PTDSS2: variants seen among roughly 807,000 people sequenced by gnomAD.
PTDSS2 encodes phosphatidylserine synthase 2, also known as PSS-2.
PTDSS2 carries 41 observed loss-of-function variants against 64.7 expected under a neutral mutation model. That is an observed-to-expected ratio of 0.63 (90% CI 0.49 to 0.82). The LOEUF (loss-of-function observed/expected upper bound fraction) is 0.82, where lower values mean the gene tolerates loss of function less well. Among genes scored for constraint, PTDSS2 ranks in the 40% least tolerant of loss-of-function variants. PTDSS2 has a pLI of 0.00. For missense variants in PTDSS2, 485 were observed against 650.0 expected (o/e 0.75, Z 2.76); for synonymous variants, 297 against 277.8 (o/e 1.07, Z -0.69).
rs1217382300 is a variant in PTDSS2 at position 460,674 on chromosome 11, A to C, written c.284+386A>C. 5.2e-6 allele frequency: 1 copy of C among 191,910 alleles called. No individual in the cohort carries two copies. Among genetic ancestry groups the C allele is most frequent in the Non-Finnish European group, 1.1e-5 (1 of 91,566 alleles). The allele number at this position is 191,910 out of a possible 1,614,324, so 11.9% of individuals were successfully genotyped here. On this transcript the variant is annotated intron_variant, in intron 2 of 11. Transcript: ENST00000308020. The surrounding 1 kb of genome is among the most constrained non-coding windows in gnomAD (Gnocchi z 5.8). ...GCGGTGGCCGCGTGCTGGTTCCGTT[A>C]GCCAGCGGGGCTCTTGCACGGACAG...
rs998495657 is a variant in PTDSS2 at position 491,117 on chromosome 11, G to A, written c.*535G>A. 9 of 156,584 alleles carry A rather than the reference G, an allele frequency of 5.7e-5. No homozygotes were observed. The highest frequency in any genetic ancestry group is 1.9e-4 in the South Asian group (1 of 5,244). The allele number at this position is 156,584 out of a possible 1,614,324, so 9.7% of individuals were successfully genotyped here. ...CACTGGCTCCACATCCACTTCCCCC[G>A]CAGCTCGTGTGGGCGCTCGTCCACA... On this transcript the variant is annotated 3_prime_UTR_variant, in exon 12 of 12. Transcript: ENST00000308020.
chr11:487,236 G>T, intron 5 of PTDSS2, 163 bp downstream of exon 5: 2 of 973,540 alleles, frequency 2.1e-6, no homozygotes, highest in Admixed American at 2.2e-5. Flanking sequence ...CTCATGGTGG[G>T]CAGGGGGCCC....
intron 10 of PTDSS2, 49 bp downstream of exon 10, chr11:489,782 C>A: frequency 6.3e-7 from 1 of 1,582,358 alleles, no homozygotes; most frequent in Non-Finnish European, 8.6e-7. Flanking sequence ...GGGCAGGGGC[C>A]GGAGGGCTGG....
chr11:458,414 C>G (rs1846699515), intron 1 of PTDSS2, among the ~76,000 whole-genome samples: 2 of 151,354 alleles, frequency 1.3e-5, no homozygotes, highest in African/African-American at 2.4e-5. Context: ...ACCGTGTTAG[C>G]CAGGATGGTC....
rs1033930836 is a variant in PTDSS2, at chr11:470,115, G to T, written c.285-3780G>T. 4.4e-4 allele frequency among the ~76,000 whole-genome samples: 67 copies of T among 152,296 alleles called. No individual in the cohort carries two copies. The highest frequency in any genetic ancestry group is 1.5e-3 in the African/African-American group (63 of 41,556). On this transcript the variant is annotated intron_variant, in intron 2 of 11. Transcript: ENST00000308020. This position sits in a 1 kb window ranked among gnomAD's most constrained non-coding sequence, Gnocchi z 5.3. The stretch of plus-strand genomic sequence containing the variant: ...GCGTGAGCTCCCGGCACCGCTGTGC[G>T]CTGCGCGTGGTGACCTGACCTCCTT...
chr11:484,537 G>A (rs540391801), intron 4 of PTDSS2, among the ~76,000 whole-genome samples: 161 of 151,728 alleles, frequency 1.1e-3, no homozygotes, highest in African/African-American at 3.9e-3. Context: ...GCAGGAGAGT[G>A]TAAACAGTGC....
rs1848572239 is a variant in PTDSS2 at position 489,641 on chromosome 11, C to T, written c.1023C>T (p.Pro341=). ...TFYLKFVLWM[P]PEHYLVLLRL... Reference sequence around the variant, plus strand: ...ACCTGAAGTTTGTGCTGTGGATGCCCCCGGAGCACTACCTGGTCCTCCTGC... The same window carrying T: ...ACCTGAAGTTTGTGCTGTGGATGCCTCCGGAGCACTACCTGGTCCTCCTGC... Residue 341 remains proline (P), a synonymous_variant, in exon 10 of 12, where the codon CCC becomes CCT. Transcript: ENST00000308020. 1.3e-6 allele frequency: 2 copies of T among 1,596,696 alleles called. No individual in the cohort carries two copies. The highest frequency in any genetic ancestry group is 1.7e-4 in the Middle Eastern group (1 of 6,038).
At chr11:471,792 G>GCGGCC (rs1847458709) in intron 2 of PTDSS2, among the ~76,000 whole-genome samples, 1 of 135,690 alleles carries the variant, frequency 7.4e-6, no homozygotes, top group Non-Finnish European at 1.6e-5. Context: ...GACGCAGATG[G>GCGGCC]TGGCCTGGGG....
intron 9 of PTDSS2, 28 bp downstream of exon 9, chr11:489,542 C>T (rs780456920): frequency 3.4e-5 from 54 of 1,609,348 alleles, no homozygotes; most frequent in Middle Eastern, 1.6e-4. Flanking sequence ...CGCGACGGCG[C>T]GGCGGGCGGG....
chr11:450,638 G>A lies in PTDSS2; in HGVS notation c.182+1G>A, dbSNP rs1846271200. 1 of 1,243,430 alleles carries A rather than the reference G, an allele frequency of 8.0e-7. No individual in the cohort carries two copies. The highest frequency in any genetic ancestry group is 1.0e-6 in the Non-Finnish European group (1 of 986,150). The allele number at this position is 1,243,430 out of a possible 1,614,324, so 77.0% of individuals were successfully genotyped here. ...ACGACGGCACCAACACCTTCTTCTG[G>A]TGAGGGCAGTGGGCGGCCGCGGGGC... On this transcript the variant is annotated splice_donor_variant, in intron 1 of 11. Coordinates refer to ENST00000308020, the MANE Select transcript of PTDSS2 (RefSeq NM_030783.3). LOFTEE classifies it high-confidence loss of function.
At chr11:465,102 C>T (rs953690820) in intron 2 of PTDSS2, among the ~76,000 whole-genome samples, 1 of 152,318 alleles carries the variant, frequency 6.6e-6, no homozygotes, top group South Asian at 2.1e-4. Context: ...CATCCACGTG[C>T]AAATCTAGAC....
rs981972133 is a variant in PTDSS2, at chr11:490,374, G to T, written c.1302-46G>T. 7 of 1,612,008 alleles carry T rather than the reference G, an allele frequency of 4.3e-6. No individual in the cohort carries two copies. The African/African-American group carries it at 8.0e-5, about 18-fold the overall frequency. On this transcript the variant is annotated intron_variant, in intron 11 of 11. Transcript: ENST00000308020. ...GCCAGCTGTCCATGGGGCCTGCAGTGGGGCTGGTGTGGGGGCAGGTGGTGA... is the reference window on the plus strand; with the variant it reads ...GCCAGCTGTCCATGGGGCCTGCAGTTGGGCTGGTGTGGGGGCAGGTGGTGA...
intron 4 of PTDSS2, among the ~76,000 whole-genome samples, chr11:482,782 C>T (rs574144473): frequency 3.3e-5 from 5 of 150,336 alleles, no homozygotes; most frequent in Admixed American, 2.0e-4. Context: ...GTGAGTTTTT[C>T]GTAGATCTCC....
intron 1 of PTDSS2, chr11:459,063 CCGG>C: frequency 6.9e-6 from 1 of 145,952 alleles, no homozygotes; most frequent in African/African-American, 2.7e-5. Context: ...AGGACACACT[CCGG>C]TGAATGTAGG....
At chr11:459,434 G>C (rs992210589) in intron 1 of PTDSS2, 1 of 152,866 alleles carries the variant, frequency 6.5e-6, no homozygotes, top group South Asian at 2.0e-4. Context: ...GCACAGAGGG[G>C]TGCATCATCT....
chr11:489,549 C>CG (rs778227344), intron 9 of PTDSS2, 35 bp downstream of exon 9: 2 of 1,608,538 alleles, frequency 1.2e-6, no homozygotes, highest in African/African-American at 1.3e-5. Context: ...GCGCGGCGGG[C>CG]GGGGGGCCAG....
rs1036441395 is a variant in PTDSS2 at position 489,254 on chromosome 11, C to T, written c.855-146C>T. On this transcript the variant is annotated intron_variant, in intron 8 of 11. Coordinates refer to ENST00000308020, the MANE Select transcript of PTDSS2 (RefSeq NM_030783.3). Reference sequence around the variant, plus strand: ...AGGAACAGAGTCTGTGGCCCGATGGCACAGGGCGGGGCGGGGTGACCAAGA... The same window carrying T: ...AGGAACAGAGTCTGTGGCCCGATGGTACAGGGCGGGGCGGGGTGACCAAGA... 2.8e-5 allele frequency: 19 copies of T among 667,136 alleles called. No individual in the cohort carries two copies. In the African/African-American group the frequency reaches 3.4e-4, roughly 12 times the overall value. 41.3% of individuals were successfully genotyped at this position (667,136 alleles called of 1,614,324 possible).
chr11:489,722 C>G lies in PTDSS2; in HGVS notation c.1104C>G (p.Phe368Leu). 6.2e-7 allele frequency: 1 copy of G among 1,608,988 alleles called. No individual in the cohort carries two copies. Among genetic ancestry groups the G allele is most frequent in the Non-Finnish European group, 8.5e-7 (1 of 1,178,028 alleles). Residue 368 changes from phenylalanine to leucine, a missense_variant, in exon 10 of 12, where the codon TTC becomes TTG. Phe to Leu is a conservative substitution (Grantham distance 22, BLOSUM62 0). Coordinates refer to ENST00000308020, the MANE Select transcript of PTDSS2 (RefSeq NM_030783.3). ...TGGCCATGCGTGAGATCTACGACTT[C>G]ATGGATGACCCGTGAGGGCTGCGGC... ...GGVAMREIYDFMDDPKPHKKL... is the reference protein window; with the variant it reads ...GGVAMREIYDLMDDPKPHKKL...
chr11:484,969 A>G (rs552355772), intron 4 of PTDSS2, among the ~76,000 whole-genome samples: 2 of 116,086 alleles, frequency 1.7e-5, no homozygotes, highest in African/African-American at 7.0e-5. Flanking sequence ...TGCGCAGGCG[A>G]GCGTAAACTG....
Sources: allele counts gnomAD v4.1 joint callset (sites outside exome capture counted in the v4.1 genomes callset), GRCh38; gene constraint gnomAD v4.1.1; non-coding constraint Gnocchi (gnomAD v3.1); transcripts MANE v1.5; gene names NCBI Gene and HGNC (gene_info 2026-07-23, HGNC 2026-07-21).